The following EPHB1 variants were observed in gnomAD, a reference collection of about 807,000 sequenced individuals.
EPHB1 encodes EPH receptor B1.
A neutral mutation model predicts 94.4 loss-of-function variants in EPHB1; 30 were observed. The observed-to-expected ratio is 0.32, with a 90% CI of 0.24 to 0.43. The LOEUF (loss-of-function observed/expected upper bound fraction) is 0.43. Ranked by LOEUF, EPHB1 falls within the 20% of genes least tolerant of loss-of-function variation. The probability of loss-of-function intolerance (pLI) is 1.00; values close to 1 mark genes in which losing one functional copy is unlikely to be tolerated. For missense variants in EPHB1, 1,055 were observed against 1,308.3 expected, an observed-to-expected ratio of 0.81 and a Z score of 2.99; for synonymous variants, 522 against 489.1, an observed-to-expected ratio of 1.07 and a Z score of -0.89.
chr3:134,961,086 C>T (rs1377650290), intron 3 of EPHB1, among the ~76,000 whole-genome samples: 1 of 152,186 alleles, frequency 6.6e-6, no homozygotes, highest in Non-Finnish European at 1.5e-5. Context: ...TGGATGGTCC[C>T]ATGTCTTTTC....
At chr3:134,842,265 C>T (rs962986058) in intron 1 of EPHB1, among the ~76,000 whole-genome samples, 2 of 152,182 alleles carry the variant, frequency 1.3e-5, no homozygotes, top group African/African-American at 2.4e-5. Flanking sequence ...GACTTCTCAG[C>T]CTCGAGAACT....
intron 1 of EPHB1, among the ~76,000 whole-genome samples, chr3:134,810,301 G>GTGTA (rs1436945294): frequency 6.6e-6 from 1 of 151,706 alleles, no homozygotes; most frequent in Non-Finnish European, 1.5e-5. Flanking sequence ...GTGTGTGTGT[G>GTGTA]TGTGTGTGTA....
intron 1 of EPHB1, among the ~76,000 whole-genome samples, chr3:134,882,765 C>CCTTCCTTTCTTTCTTTTTTCTTTCTTT: frequency 1.3e-5 from 1 of 79,930 alleles, no homozygotes; most frequent in Admixed American, 1.4e-4. Context: ...TTCCTTCCTT[C>CCTTCCTTTCTTTCTTTTTTCTTTCTTT]CTTTCTTTCT....
intron 1 of EPHB1, among the ~76,000 whole-genome samples, chr3:134,888,462 C>A (rs1203764789): frequency 6.6e-6 from 1 of 152,118 alleles, no homozygotes; most frequent in Non-Finnish European, 1.5e-5. Flanking sequence ...GTAATCCCAG[C>A]ACTTTGGGAG....
intron 3 of EPHB1, among the ~76,000 whole-genome samples, chr3:135,015,570 A>G (rs1443987429): frequency 6.6e-6 from 1 of 152,176 alleles, no homozygotes; most frequent in Non-Finnish European, 1.5e-5. Context: ...GTCACTGGGC[A>G]TCTAGGTCTC....
chr3:134,858,093 G>A (rs1399096982), intron 1 of EPHB1, among the ~76,000 whole-genome samples: 9 of 151,956 alleles, frequency 5.9e-5, no homozygotes, highest in Non-Finnish European at 8.8e-5. Flanking sequence ...TAAGATTTAA[G>A]AACTCCTTCA....
At chr3:135,042,513 A>T (rs765908838) in intron 3 of EPHB1, among the ~76,000 whole-genome samples, 105 of 152,360 alleles carry the variant, frequency 6.9e-4, no homozygotes, top group Admixed American at 1.4e-3. Flanking sequence ...TTTGTGTGAA[A>T]TTCCAGCTCA....
intron 3 of EPHB1, among the ~76,000 whole-genome samples, chr3:135,038,836 GAA>G (rs1936733225): frequency 6.6e-6 from 1 of 150,664 alleles, no homozygotes; most frequent in African/African-American, 2.4e-5. Flanking sequence ...CCACAGTGTG[GAA>G]GGGGACCCCA....
intron 3 of EPHB1, among the ~76,000 whole-genome samples, chr3:135,095,554 C>A (rs556855154): frequency 3.3e-4 from 51 of 152,264 alleles, no homozygotes; most frequent in African/African-American, 1.2e-3. Flanking sequence ...TGTTTCTTCC[C>A]AATTTCAAGC....
intron 3 of EPHB1, among the ~76,000 whole-genome samples, chr3:134,987,915 G>C (rs1934659696): frequency 6.6e-6 from 1 of 152,050 alleles, no homozygotes; most frequent in Non-Finnish European, 1.5e-5. Flanking sequence ...GTAAGAAAAT[G>C]AATTATGTTT....
intron 1 of EPHB1, among the ~76,000 whole-genome samples, chr3:134,879,593 A>G (rs1044246113): frequency 2.6e-5 from 4 of 152,192 alleles, no homozygotes; most frequent in African/African-American, 9.7e-5. Flanking sequence ...TGGAGGTTGC[A>G]GTGAGCCCAG....
chr3:134,964,121 A>G (rs528547852), intron 3 of EPHB1, among the ~76,000 whole-genome samples: 9 of 152,344 alleles, frequency 5.9e-5, no homozygotes, highest in Admixed American at 5.9e-4. Flanking sequence ...TGAAAACAAA[A>G]TTTGTGGAAG....
At chr3:134,941,773 A>ACACACACACACT (rs2039123003) in intron 2 of EPHB1, among the ~76,000 whole-genome samples, 5 of 151,486 alleles carry the variant, frequency 3.3e-5, no homozygotes, top group African/African-American at 1.2e-4. Flanking sequence ...ACACACACAC[A>ACACACACACACT]CACACACACA....
intron 3 of EPHB1, among the ~76,000 whole-genome samples, chr3:134,995,004 G>GTGTGTGTGTGTATT (rs1188682446): frequency 2.0e-5 from 3 of 151,960 alleles, no homozygotes; most frequent in African/African-American, 4.8e-5. Context: ...GTGTGTGTGT[G>GTGTGTGTGTGTATT]TGTGTGTGTG....
rs546673803 is a variant in EPHB1, at chr3:135,143,973, G to A, written c.1298-10179G>A. Among the ~76,000 whole-genome samples the A allele has an allele frequency of 2.0e-5, 3 of 152,280 alleles. No homozygotes were observed. The South Asian group carries it at 6.2e-4, about 32-fold the overall frequency. On this transcript the variant is annotated intron_variant, in intron 5 of 15. Coordinates refer to ENST00000398015, the MANE Select transcript of EPHB1 (RefSeq NM_004441.5). The stretch of plus-strand genomic sequence containing the variant: ...GCCTGCCTCCTCCTCCAGGCACAGG[G>A]CTCTGCACACTTCCACCATAGGTGG...
At position 135,259,993 on chromosome 3, in the gene EPHB1, A is replaced by T. The variant is rs771907631; in HGVS notation, c.*873A>T. On this transcript the variant is annotated 3_prime_UTR_variant, in exon 16 of 16. Coordinates refer to ENST00000398015, the MANE Select transcript of EPHB1 (RefSeq NM_004441.5). The stretch of plus-strand genomic sequence containing the variant: ...TTGGTTTGGCTTTCTGGTTGGCCCA[A>T]TCGGCCTATTGGCTCAATGGGAAGA... 1 of 232,210 alleles carries T rather than the reference A, an allele frequency of 4.3e-6. No individual in the cohort carries two copies. Among genetic ancestry groups the T allele is most frequent in the East Asian group, 6.1e-5 (1 of 16,416 alleles). 14.4% of individuals were successfully genotyped at this position (232,210 alleles called of 1,614,324 possible).
At chr3:134,902,097 C>T (rs1224840429) in intron 1 of EPHB1, among the ~76,000 whole-genome samples, 4 of 152,022 alleles carry the variant, frequency 2.6e-5, no homozygotes, top group Non-Finnish European at 4.4e-5. Flanking sequence ...TATAGAAGTC[C>T]GACCTGTCTG....
intron 3 of EPHB1, among the ~76,000 whole-genome samples, chr3:135,081,263 A>C (rs2107787080): frequency 6.6e-6 from 1 of 152,270 alleles, no homozygotes; most frequent in East Asian, 1.9e-4. Context: ...GTCTTTGGGG[A>C]TAATTATTTT....
At chr3:134,930,405 A>T (rs2038883820) in intron 2 of EPHB1, among the ~76,000 whole-genome samples, 1 of 152,262 alleles carries the variant, frequency 6.6e-6, no homozygotes, top group Non-Finnish European at 1.5e-5. Context: ...TACCTGGTGA[A>T]CAGAGGAAAA....
Sources: gnomAD v4.1 joint callset for allele counts (sites outside exome capture counted in the v4.1 genomes callset) on GRCh38, gnomAD v4.1.1 for gene constraint, MANE v1.5 for transcripts, NCBI Gene and HGNC (gene_info 2026-07-23, HGNC 2026-07-21) for gene names.